SLC5A4: variants seen among roughly 807,000 people sequenced by gnomAD.
SLC5A4 encodes probable glucose sensor protein SLC5A4.
In SLC5A4, 55 loss-of-function variants were observed where a neutral mutation model predicts 70.3. The observed-to-expected ratio is 0.78, with a 90% CI of 0.63 to 0.98. SLC5A4 has a LOEUF of 0.98. Among genes scored for constraint, SLC5A4 ranks in the 50% least tolerant of loss-of-function variants. The pLI is 0.00. For missense variants in SLC5A4, 735 were observed against 839.2 expected, an observed-to-expected ratio of 0.88 and a Z score of 1.53; for synonymous variants, 268 against 305.7, an observed-to-expected ratio of 0.88 and a Z score of 1.29.
At chr22:32,295,490 G>A in the SLC5A4 span, among the ~76,000 whole-genome samples, 1 of 110,380 alleles carries the variant, frequency 9.1e-6, no homozygotes, top group Non-Finnish European at 2.0e-5. Context: ...CATGTCCTTC[G>A]CCCACTTTTT....
chr22:32,225,539 A>T, intron 12 of SLC5A4, 116 bp downstream of exon 12: 1 of 675,260 alleles, frequency 1.5e-6, no homozygotes, highest in Non-Finnish European at 2.6e-6. Context: ...AACTAAAATT[A>T]AGATGGGCCA....
At chr22:32,270,585 G>T in the SLC5A4 span, 2 of 732,046 alleles carry the variant, frequency 2.7e-6, no homozygotes, top group Non-Finnish European at 5.1e-6. Context: ...AGATCATGGA[G>T]CTGGACACCA....
chr22:32,353,448 C>G, the SLC5A4 span, among the ~76,000 whole-genome samples: 1 of 152,092 alleles, frequency 6.6e-6, no homozygotes, highest in Non-Finnish European at 1.5e-5. Flanking sequence ...GGATTGTGCT[C>G]AGGATCCCCG....
chr22:32,327,656 G>A, the SLC5A4 span, among the ~76,000 whole-genome samples: 1 of 152,212 alleles, frequency 6.6e-6, no homozygotes, highest in African/African-American at 2.4e-5. Flanking sequence ...ACAGAGAGCA[G>A]GTGTGGTGTG....
the SLC5A4 span, among the ~76,000 whole-genome samples, chr22:32,302,352 C>G: frequency 6.6e-6 from 1 of 151,540 alleles, no homozygotes; most frequent in Admixed American, 6.6e-5. Flanking sequence ...TTAACAGGGT[C>G]TCTCACAGAG....
chr22:32,337,194 A>T, the SLC5A4 span, among the ~76,000 whole-genome samples: 1 of 152,168 alleles, frequency 6.6e-6, no homozygotes, highest in African/African-American at 2.4e-5. Flanking sequence ...CCTGGCTATC[A>T]TCGCCCTGGG....
the SLC5A4 span, among the ~76,000 whole-genome samples, chr22:32,302,969 CATTT>C: frequency 2.8e-4 from 43 of 152,070 alleles, no homozygotes; most frequent in African/African-American, 1.0e-3. Flanking sequence ...CACATCTCTT[CATTT>C]ATTTAGATTT....
the SLC5A4 span, chr22:32,272,963 C>T: frequency 1.9e-6 from 1 of 538,934 alleles, no homozygotes. Flanking sequence ...CTCCAGAATG[C>T]TGTGCTGCAA....
the SLC5A4 span, among the ~76,000 whole-genome samples, chr22:32,289,508 A>G: frequency 6.6e-6 from 1 of 152,178 alleles, no homozygotes; most frequent in African/African-American, 2.4e-5. Flanking sequence ...TTCATTTGAG[A>G]CGGAGTTTCG....
At chr22:32,316,706 T>C in the SLC5A4 span, among the ~76,000 whole-genome samples, 1 of 151,998 alleles carries the variant, frequency 6.6e-6, no homozygotes, top group African/African-American at 2.4e-5. Context: ...ATTTTTTTTT[T>C]TTTGACTTTT....
the SLC5A4 span, among the ~76,000 whole-genome samples, chr22:32,295,167 T>C: frequency 9.3e-6 from 1 of 108,058 alleles, no homozygotes; most frequent in African/African-American, 3.4e-5. Context: ...TATAGTCCTT[T>C]GGGTATATAC....
the SLC5A4 span, among the ~76,000 whole-genome samples, chr22:32,325,048 G>A: frequency 1.3e-5 from 2 of 152,238 alleles, no homozygotes; most frequent in African/African-American, 2.4e-5. Context: ...CGGGAGTCAC[G>A]TGTCCTCCTA....
chr22:32,270,057 G>A, the SLC5A4 span: 1 of 486,422 alleles, frequency 2.1e-6, no homozygotes, highest in Non-Finnish European at 4.0e-6. Context: ...ACAAGGAAGA[G>A]CCTCCCTCAC....
the SLC5A4 span, among the ~76,000 whole-genome samples, chr22:32,337,741 G>A: frequency 0.015 from 2,229 of 152,234 alleles, 56 homozygotes; most frequent in African/African-American, 0.051. Context: ...TTTCCCGAGC[G>A]TAAATACTGG....
chr22:32,326,225 C>T, the SLC5A4 span, among the ~76,000 whole-genome samples: 2 of 151,704 alleles, frequency 1.3e-5, no homozygotes, highest in East Asian at 1.9e-4. Context: ...TGATAGTTGG[C>T]GCTGACTGTA....
At chr22:32,308,718 G>T in the SLC5A4 span, among the ~76,000 whole-genome samples, 1 of 152,112 alleles carries the variant, frequency 6.6e-6, no homozygotes. Context: ...CTGCTTTCTA[G>T]AGCATTGGAG....
At chr22:32,318,106 T>TC in the SLC5A4 span, among the ~76,000 whole-genome samples, 2 of 152,044 alleles carry the variant, frequency 1.3e-5, no homozygotes, top group Admixed American at 1.3e-4. Flanking sequence ...CTGGTCCTCC[T>TC]CCTCCTCCCA....
chr22:32,271,005 C>T, the SLC5A4 span: 13 of 528,888 alleles, frequency 2.5e-5, no homozygotes, highest in South Asian at 5.7e-5. Flanking sequence ...AGCCTGGGCT[C>T]GGAGACTAGC....
chr22:32,292,738 A>G, the SLC5A4 span, among the ~76,000 whole-genome samples: 3 of 152,190 alleles, frequency 2.0e-5, no homozygotes, highest in African/African-American at 4.8e-5. Flanking sequence ...TGTATGAGGA[A>G]AATGTGTATT....
Sources: gnomAD v4.1 joint callset for allele counts (sites outside exome capture counted in the v4.1 genomes callset) on GRCh38, gnomAD v4.1.1 for gene constraint, MANE v1.5 for transcripts, NCBI Gene and HGNC (gene_info 2026-07-23, HGNC 2026-07-21) for gene names.